Variants in ZNF334 observed in about 807,000 individuals in gnomAD.
ZNF334 encodes zinc finger protein 334.
In ZNF334, 14 loss-of-function variants were observed where a neutral mutation model predicts 12.4. That is an observed-to-expected ratio of 1.13 (90% CI 0.74 to 1.76). The LOEUF (loss-of-function observed/expected upper bound fraction) is 1.76, where lower values mean the gene tolerates loss of function less well. ZNF334 is among the 40% of genes most tolerant of loss of function. The probability of loss-of-function intolerance (pLI) is 0.00; values close to 1 mark genes in which losing one functional copy is unlikely to be tolerated. For synonymous variants in ZNF334, 273 were observed against 269.6 expected, an observed-to-expected ratio of 1.01 and a Z score of -0.12; for missense variants, 797 against 804.5, an observed-to-expected ratio of 0.99 and a Z score of 0.11.
chr20:46,488,875 GA>G, the ZNF334 span, among the ~76,000 whole-genome samples: 1 of 150,312 alleles, frequency 6.7e-6, no homozygotes, highest in African/African-American at 2.5e-5. Context: ...TTTCCAGTGA[GA>G]AATCTGATGT....
chr20:46,462,848 T>G, the ZNF334 span, among the ~76,000 whole-genome samples: 1 of 152,222 alleles, frequency 6.6e-6, no homozygotes, highest in Non-Finnish European at 1.5e-5. Context: ...TATCACATAC[T>G]CACACTCACA....
At chr20:46,475,527 C>T in the ZNF334 span, among the ~76,000 whole-genome samples, 4 of 151,568 alleles carry the variant, frequency 2.6e-5, no homozygotes, top group African/African-American at 4.9e-5. Flanking sequence ...ACACATTTGA[C>T]GAAGGGTTGG....
the ZNF334 span, among the ~76,000 whole-genome samples, chr20:46,467,271 C>T: frequency 6.6e-6 from 1 of 152,066 alleles, no homozygotes; most frequent in East Asian, 1.9e-4. Flanking sequence ...AATGCACTTT[C>T]CACACAAAAA....
Position 46,512,336 on chromosome 20 carries a change from G to A in ZNF334, c.-38-196C>T, listed in dbSNP as rs142247737. Among the ~76,000 whole-genome samples, 132 of 152,266 alleles carry A rather than the reference G, an allele frequency of 8.7e-4. 1 individual carries two copies. The highest frequency in any genetic ancestry group is 3.1e-3 in the African/African-American group (129 of 41,552). On this transcript the variant is annotated intron_variant, in intron 1 of 4. Coordinates refer to ENST00000692313, the MANE Select transcript of ZNF334 (RefSeq NM_001353824.2). ...GGTCTCATAGAGCTTTTCTTACTGA[G>A]TGAGTGTCAACAAATGTTTTCTACT...
At chr20:46,490,690 C>T in the ZNF334 span, among the ~76,000 whole-genome samples, 11 of 152,176 alleles carry the variant, frequency 7.2e-5, no homozygotes, top group Admixed American at 7.2e-4. Context: ...GCCTCTCCAC[C>T]TCCACAAACT....
chr20:46,487,024 T>C, the ZNF334 span, among the ~76,000 whole-genome samples: 1 of 152,162 alleles, frequency 6.6e-6, no homozygotes, highest in Non-Finnish European at 1.5e-5. Context: ...ATATAAGGTA[T>C]TTTTTGGTTT....
chr20:46,493,256 G>A, the ZNF334 span, among the ~76,000 whole-genome samples: 1 of 152,192 alleles, frequency 6.6e-6, no homozygotes, highest in Non-Finnish European at 1.5e-5. Context: ...AATAGAGGCA[G>A]CTATCTAAAG....
downstream of ZNF334, among the ~76,000 whole-genome samples, chr20:46,497,422 TATA>T (rs2061042018): frequency 6.6e-6 from 1 of 152,350 alleles, no homozygotes. Flanking sequence ...ACCGTTAACA[TATA>T]ATAATTCAGA....
chr20:46,476,659 AC>A, the ZNF334 span, among the ~76,000 whole-genome samples: 3 of 152,232 alleles, frequency 2.0e-5, no homozygotes, highest in Non-Finnish European at 4.4e-5. Context: ...TACCTGCAGA[AC>A]CATATACTTG....
the ZNF334 span, among the ~76,000 whole-genome samples, chr20:46,489,865 T>TGTGCTGGAGA: frequency 6.6e-6 from 1 of 152,184 alleles, no homozygotes; most frequent in Non-Finnish European, 1.5e-5. Context: ...AACAGAAACC[T>TGTGCTGGAGA]GTGCTGGTTC....
At chr20:46,477,350 T>G in the ZNF334 span, 1 of 152,082 alleles carries the variant, frequency 6.6e-6, no homozygotes, top group Non-Finnish European at 1.5e-5. Context: ...TGGTTTTTTT[T>G]TTTCACGTGA....
chr20:46,479,908 T>G, the ZNF334 span, among the ~76,000 whole-genome samples: 7 of 152,248 alleles, frequency 4.6e-5, no homozygotes, highest in East Asian at 1.3e-3. Context: ...AGTTTAACTC[T>G]TTCAAACAAT....
In ZNF334 at chr20:46,502,834, CA is replaced by C. The variant is rs747437674; in HGVS notation, c.504del (p.Phe168LeufsTer11). 1 of 1,613,942 alleles carries C rather than the reference CA, an allele frequency of 6.2e-7. No individual in the cohort carries two copies. The highest frequency in any genetic ancestry group is 1.1e-5 in the South Asian group (1 of 91,066). On this transcript the variant is annotated frameshift_variant, in exon 5 of 5. Coordinates refer to ENST00000692313, the MANE Select transcript of ZNF334 (RefSeq NM_001353824.2). LOFTEE classifies it low-confidence loss of function (END_TRUNC). ...NRKIPDGYSG[F>X]GKHEKSHLGM... Reference sequence around the variant, plus strand: ...CCCAAATGACTTTTCTCATGCTTCCCAAATCCACTGTATCCATCAGGAATCT... The same window carrying C: ...CCCAAATGACTTTTCTCATGCTTCCCAATCCACTGTATCCATCAGGAATCT...
At chr20:46,504,056 T>G (rs1366563929) in intron 4 of ZNF334, among the ~76,000 whole-genome samples, 158 bp downstream of exon 4, 1 of 152,254 alleles carries the variant, frequency 6.6e-6, no homozygotes, top group African/African-American at 2.4e-5. Flanking sequence ...ATGTTTCAGA[T>G]GTCCATAGCA....
In ZNF334 at chr20:46,501,160, G is replaced by T; in HGVS notation, c.*136C>A. On this transcript the variant is annotated 3_prime_UTR_variant, in exon 5 of 5. Transcript: ENST00000692313. ...CATGATTTCTCTGATGTTACATTGAGGGTTGACTTATGGCAGAAAAATTTT... is the reference window on the plus strand; with the variant it reads ...CATGATTTCTCTGATGTTACATTGATGGTTGACTTATGGCAGAAAAATTTT... The T allele has an allele frequency of 1.0e-6, 1 of 984,378 alleles. No homozygotes were observed. The highest frequency in any genetic ancestry group is 1.5e-6 in the Non-Finnish European group (1 of 675,754). 61.0% of individuals were successfully genotyped at this position (984,378 alleles called of 1,614,324 possible).
At chr20:46,492,699 A>C in the ZNF334 span, 134 of 152,376 alleles carry the variant, frequency 8.8e-4, 1 homozygote, top group African/African-American at 3.1e-3. Flanking sequence ...TAAACTCGAG[A>C]TCAATGTAGA....
At chr20:46,468,279 A>AT in the ZNF334 span, among the ~76,000 whole-genome samples, 37,810 of 144,324 alleles carry the variant, frequency 0.26, 5,088 homozygotes, top group African/African-American at 0.33. Context: ...TTACACCCAC[A>AT]TTTTTTTTTT....
chr20:46,476,685 C>CA, the ZNF334 span, among the ~76,000 whole-genome samples: 1 of 152,060 alleles, frequency 6.6e-6, no homozygotes, highest in African/African-American at 2.4e-5. Flanking sequence ...ATGCTGCTGA[C>CA]AAAAAAGTGT....
intron 4 of ZNF334, 24 bp from the exon 5 acceptor site, chr20:46,503,121 G>T: frequency 6.4e-7 from 1 of 1,560,646 alleles, no homozygotes; most frequent in Non-Finnish European, 8.6e-7. Flanking sequence ...CACAATTAAC[G>T]GTAATTGGTG....
Sources: allele counts gnomAD v4.1 joint callset (sites outside exome capture counted in the v4.1 genomes callset), GRCh38; gene constraint gnomAD v4.1.1; transcripts MANE v1.5; gene names NCBI Gene and HGNC (gene_info 2026-07-23, HGNC 2026-07-21).